CHST11: variants seen among roughly 807,000 people sequenced by gnomAD.
CHST11 encodes carbohydrate sulfotransferase 11.
A neutral mutation model predicts 30.4 loss-of-function variants in CHST11; 9 were observed. The observed-to-expected ratio is 0.30, with a 90% CI of 0.18 to 0.52. CHST11 has a LOEUF of 0.52. Among genes scored for constraint, CHST11 ranks in the 20% least tolerant of loss-of-function variants. CHST11 has a pLI of 0.97. For missense variants in CHST11, 348 were observed against 460.6 expected (o/e 0.76, Z 2.24); for synonymous variants, 152 against 187.8 (o/e 0.81, Z 1.56).
In CHST11 at chr12:104,666,102, G is replaced by A. The variant is rs376298658; in HGVS notation, c.204+64111G>A. Among the ~76,000 whole-genome samples the A allele has an allele frequency of 2.5e-3, 377 of 152,196 alleles. 2 individuals carry two copies. The Middle Eastern group carries it at 0.027, about 11-fold the overall frequency. ...CAAAGTGCTGGGATTACAGGTGTGA[G>A]CCACCGCACCCGGCCTCTTTCTCTT... On this transcript the variant is annotated intron_variant, in intron 2 of 2. Transcript: ENST00000303694.
intron 2 of CHST11, among the ~76,000 whole-genome samples, chr12:104,606,175 C>CGG (rs143868527): frequency 0.011 from 1,203 of 106,948 alleles, 21 homozygotes; most frequent in African/African-American, 0.032. Flanking sequence ...GGGCGGGGGG[C>CGG]GGGGGGGGGA....
chr12:104,617,123 G>A (rs899635636), intron 2 of CHST11, among the ~76,000 whole-genome samples: 1 of 152,106 alleles, frequency 6.6e-6, no homozygotes, highest in African/African-American at 2.4e-5. Context: ...CTCAACCCAG[G>A]GAGAAGAGAA....
At chr12:104,730,870 C>A (rs1290123660) in intron 2 of CHST11, among the ~76,000 whole-genome samples, 1 of 152,172 alleles carries the variant, frequency 6.6e-6, no homozygotes, top group Non-Finnish European at 1.5e-5. Context: ...TACAAGGCTC[C>A]TGGGTTGCAG....
chr12:104,615,048 A>AT (rs1472693319), intron 2 of CHST11, among the ~76,000 whole-genome samples: 5 of 152,276 alleles, frequency 3.3e-5, no homozygotes, highest in Non-Finnish European at 5.9e-5. Flanking sequence ...CAATGTCTGC[A>AT]TTACCGCACT....
intron 1 of CHST11, among the ~76,000 whole-genome samples, chr12:104,579,468 A>G (rs1408845090): frequency 6.6e-6 from 1 of 152,176 alleles, no homozygotes; most frequent in Admixed American, 6.5e-5. Flanking sequence ...TGGATTTCTC[A>G]TCTTTAAAAT....
intron 2 of CHST11, among the ~76,000 whole-genome samples, chr12:104,694,840 C>T (rs964208281): frequency 2.0e-5 from 3 of 152,160 alleles, no homozygotes; most frequent in African/African-American, 4.8e-5. Flanking sequence ...GCTCTGTGTT[C>T]GGAACCAGTG....
Position 104,458,647 on chromosome 12 carries a change from TAGC to T in CHST11, c.118+1122_118+1124del, listed in dbSNP as rs2037379489. On this transcript the variant is annotated intron_variant, in intron 1 of 2. Coordinates refer to ENST00000303694, the MANE Select transcript of CHST11 (RefSeq NM_018413.6). This position sits in a 1 kb window ranked among gnomAD's most constrained non-coding sequence, Gnocchi z 5.7. ...TCCCCTGCTCCCTTTTACCCTCCCT[TAGC>T]AGCCCCCTGCCGGGCCACGTTGGCT... Among the ~76,000 whole-genome samples, 1 of 152,218 alleles carries T rather than the reference TAGC, an allele frequency of 6.6e-6. No individual in the cohort carries two copies. Among genetic ancestry groups the T allele is most frequent in the Non-Finnish European group, 1.5e-5 (1 of 68,016 alleles).
chr12:104,518,849 A>C (rs1182502872), intron 1 of CHST11, among the ~76,000 whole-genome samples: 1 of 152,266 alleles, frequency 6.6e-6, no homozygotes, highest in Non-Finnish European at 1.5e-5. Flanking sequence ...AAAAGAAGCA[A>C]TTTACTGTGT....
intron 1 of CHST11, among the ~76,000 whole-genome samples, chr12:104,473,078 G>A (rs930389913): frequency 2.6e-5 from 4 of 152,118 alleles, no homozygotes; most frequent in African/African-American, 9.7e-5. Flanking sequence ...AGTGTCTCCT[G>A]TTTTTCAGAT....
At chr12:104,494,107 T>C (rs1431579755) in intron 1 of CHST11, among the ~76,000 whole-genome samples, 1 of 152,172 alleles carries the variant, frequency 6.6e-6, no homozygotes, top group Non-Finnish European at 1.5e-5. Context: ...GTGCCTGGCC[T>C]AACAAGATGT....
intron 2 of CHST11, among the ~76,000 whole-genome samples, chr12:104,728,943 G>T (rs553669815): frequency 1.6e-4 from 24 of 152,212 alleles, no homozygotes; most frequent in African/African-American, 5.5e-4. Flanking sequence ...ATTGTCAGAT[G>T]GAAAAATGTG....
intron 1 of CHST11, chr12:104,514,286 T>C: frequency 1.1e-6 from 1 of 878,908 alleles, no homozygotes; most frequent in South Asian, 1.3e-5. Flanking sequence ...GGGCTGGCAT[T>C]GGAGCGGTGT....
At chr12:104,508,227 A>G (rs1353084267) in intron 1 of CHST11, among the ~76,000 whole-genome samples, 1 of 151,888 alleles carries the variant, frequency 6.6e-6, no homozygotes, top group Non-Finnish European at 1.5e-5. Flanking sequence ...CATCTGATCA[A>G]CTCAGCTCTG....
intron 1 of CHST11, among the ~76,000 whole-genome samples, chr12:104,481,963 G>A (rs570535455): frequency 1.3e-5 from 2 of 150,068 alleles, no homozygotes; most frequent in Admixed American, 1.3e-4. Context: ...TCAGCCTCCC[G>A]AGTAGCTGGG....
chr12:104,559,869 G>A (rs980177603), intron 1 of CHST11, among the ~76,000 whole-genome samples: 1 of 152,238 alleles, frequency 6.6e-6, no homozygotes, highest in African/African-American at 2.4e-5. Flanking sequence ...GAAAGCTATA[G>A]GTTGGTGCAA....
At chr12:104,525,470 A>G (rs1037648156) in intron 1 of CHST11, among the ~76,000 whole-genome samples, 4 of 152,222 alleles carry the variant, frequency 2.6e-5, no homozygotes, top group Non-Finnish European at 5.9e-5. Context: ...GATTAAGAGC[A>G]CAGGATTTAG....
At chr12:104,738,921 T>G (rs1326770106) in intron 2 of CHST11, among the ~76,000 whole-genome samples, 1 of 152,260 alleles carries the variant, frequency 6.6e-6, no homozygotes, top group Non-Finnish European at 1.5e-5. Flanking sequence ...TGGCAGTCAC[T>G]GGACTGATTC....
chr12:104,735,730 A>G (rs1418345336), intron 2 of CHST11, among the ~76,000 whole-genome samples: 1 of 152,252 alleles, frequency 6.6e-6, no homozygotes, highest in East Asian at 1.9e-4. Context: ...GCTGAGAGAC[A>G]GAGCCTGAGG....
intron 2 of CHST11, among the ~76,000 whole-genome samples, chr12:104,656,186 A>C (rs1055712423): frequency 7.9e-5 from 12 of 152,374 alleles, no homozygotes; most frequent in Non-Finnish European, 1.0e-4. Context: ...GAATCAAATC[A>C]AACAAATGAG....
Sources: gnomAD v4.1 joint callset for allele counts (sites outside exome capture counted in the v4.1 genomes callset) on GRCh38, gnomAD v4.1.1 for gene constraint, Gnocchi (gnomAD v3.1) non-coding constraint, MANE v1.5 for transcripts, NCBI Gene and HGNC (gene_info 2026-07-23, HGNC 2026-07-21) for gene names.